Variants in TIAM1 observed in about 807,000 individuals in gnomAD.
The protein encoded by TIAM1 is TIAM Rac1 associated GEF 1.
A neutral mutation model predicts 163.5 loss-of-function variants in TIAM1; 65 were observed. That is an observed-to-expected ratio of 0.40 (90% confidence interval 0.33 to 0.49). TIAM1 has a LOEUF of 0.49. Among genes scored for constraint, TIAM1 ranks in the 20% least tolerant of loss-of-function variants. The pLI is 0.77. For missense variants in TIAM1, 1,789 were observed against 2,044.7 expected, an observed-to-expected ratio of 0.87 and a Z score of 2.41; for synonymous variants, 833 against 810.1, an observed-to-expected ratio of 1.03 and a Z score of -0.48.
At position 31,437,502 on chromosome 21, in the gene TIAM1, C is replaced by CAAAAA. The variant is rs778245444; in HGVS notation, c.-369+26476_-369+26480dup. 3.8e-5 allele frequency among the ~76,000 whole-genome samples: 4 copies of CAAAAA among 106,516 alleles called. 1 individual carries two copies. Among genetic ancestry groups the CAAAAA allele is most frequent in the African/African-American group, 1.6e-4 (4 of 25,444 alleles). The allele number at this position is 106,516 out of a possible 152,430, so 69.9% of individuals were successfully genotyped here. A position where few individuals can be genotyped will look rare whatever the true frequency, so the allele number is the denominator to read the frequency against. On this transcript the variant is annotated intron_variant, in intron 2 of 28. Transcript: ENST00000286827. The stretch of plus-strand genomic sequence containing the variant: ...TTGGTGACAGAGAGAGACCCTGTCT[C>CAAAAA]AAAAAAAAAAAAAAGCAACTACATA...
At chr21:31,216,867 G>T (rs751206120) in intron 9 of TIAM1, among the ~76,000 whole-genome samples, 24 of 152,184 alleles carry the variant, frequency 1.6e-4, no homozygotes, top group Non-Finnish European at 3.1e-4. Flanking sequence ...AGAATAATCA[G>T]AATTCCCTGG....
At position 31,423,861 on chromosome 21, in the gene TIAM1, G is replaced by GGT. The variant is rs1555975971; in HGVS notation, c.-369+40121_-369+40122insAC. ...AAGTAAATTAATGATTATCGGGGGG[G>GGT]GCGGGGGGGGGGTCAAGGGAGTTGG... is the stretch of plus-strand genomic sequence containing the variant. On this transcript the variant is annotated intron_variant, in intron 2 of 28. Transcript: ENST00000286827. Among the ~76,000 whole-genome samples the GGT allele has an allele frequency of 1.2e-3, 125 of 101,430 alleles. 1 individual carries two copies. Among genetic ancestry groups the GGT allele is most frequent in the African/African-American group, 6.4e-3 (120 of 18,656 alleles). The allele number at this position is 101,430 out of a possible 152,430, so 66.5% of individuals were successfully genotyped here.
chr21:31,124,396 C>CG (rs1189758581), intron 27 of TIAM1, 126 bp downstream of exon 27: 2 of 1,366,530 alleles, frequency 1.5e-6, no homozygotes, highest in African/African-American at 3.0e-5. Flanking sequence ...AGGGAAAAAC[C>CG]GTCCTCCTAC....
chr21:31,295,805 T>A (rs2074237449), intron 2 of TIAM1, among the ~76,000 whole-genome samples: 1 of 152,282 alleles, frequency 6.6e-6, no homozygotes, highest in Non-Finnish European at 1.5e-5. Context: ...TTCTTGACTC[T>A]GATTATTTTT....
chr21:31,390,349 TC>T (rs1466314660), intron 2 of TIAM1, among the ~76,000 whole-genome samples: 1 of 152,224 alleles, frequency 6.6e-6, no homozygotes, highest in Non-Finnish European at 1.5e-5. Flanking sequence ...ATTACTGTTA[TC>T]AAAAATGACA....
intron 1 of TIAM1, among the ~76,000 whole-genome samples, chr21:31,472,502 G>C (rs144770891): frequency 2.7e-4 from 41 of 152,258 alleles, no homozygotes; most frequent in Non-Finnish European, 4.9e-4. Context: ...ACTCCAGCCT[G>C]AGCAACAAAG....
chr21:31,332,518 T>C (rs1236431060), intron 2 of TIAM1, among the ~76,000 whole-genome samples: 1 of 152,108 alleles, frequency 6.6e-6, no homozygotes, highest in Admixed American at 6.5e-5. Flanking sequence ...AATGAAATAC[T>C]AACTAGCAAA....
chr21:31,181,162 A>G (rs1330507420), intron 15 of TIAM1, among the ~76,000 whole-genome samples: 1 of 152,196 alleles, frequency 6.6e-6, no homozygotes, highest in Admixed American at 6.5e-5. Context: ...AATAAATGAT[A>G]GTAATCTATG....
chr21:31,207,814 T>C (rs530959083), intron 11 of TIAM1, among the ~76,000 whole-genome samples: 1 of 152,356 alleles, frequency 6.6e-6, no homozygotes, highest in East Asian at 1.9e-4. Flanking sequence ...GCTCTCGAAC[T>C]CCTGGCCTCA....
intron 2 of TIAM1, among the ~76,000 whole-genome samples, chr21:31,441,531 A>C (rs1204052462): frequency 1.3e-5 from 2 of 152,208 alleles, no homozygotes; most frequent in African/African-American, 4.8e-5. Context: ...GCAGAGCCAC[A>C]ATATGGAAGG....
At chr21:31,380,282 C>G (rs564804849) in intron 2 of TIAM1, among the ~76,000 whole-genome samples, 5 of 151,950 alleles carry the variant, frequency 3.3e-5, no homozygotes, top group Admixed American at 3.3e-4. Flanking sequence ...AAGTGGCTCA[C>G]GCTGTAATCC....
chr21:31,425,847 C>T (rs2043775280), intron 2 of TIAM1, among the ~76,000 whole-genome samples: 1 of 152,060 alleles, frequency 6.6e-6, no homozygotes, highest in African/African-American at 2.4e-5. Context: ...CAAGCACATG[C>T]CACCACACCC....
rs10634487 is a variant in TIAM1 at position 31,362,445 on chromosome 21, A to AATTATTATTATTATT, written c.-368-23038_-368-23024dup. Among the ~76,000 whole-genome samples, 264 of 142,778 alleles carry AATTATTATTATTATT rather than the reference A, an allele frequency of 1.8e-3. 1 individual carries two copies. The highest frequency in any genetic ancestry group is 3.6e-3 in the Middle Eastern group (1 of 276). 93.7% of individuals were successfully genotyped at this position (142,778 alleles called of 152,430 possible). A position where few individuals can be genotyped will look rare whatever the true frequency, so the allele number is the denominator to read the frequency against. On this transcript the variant is annotated intron_variant, in intron 2 of 28. Transcript: ENST00000286827. ...ATCCATTACCCATTAATGCAGTGAC[A>AATTATTATTATTATT]ATTATTATTATTATTATTATTATTA...
In TIAM1 at chr21:31,120,797, C is replaced by T. The variant is rs1423026241; in HGVS notation, c.4347G>A (p.Arg1449=). 1 of 1,613,466 alleles carries T rather than the reference C, an allele frequency of 6.2e-7. No individual in the cohort carries two copies. Among genetic ancestry groups the T allele is most frequent in the Non-Finnish European group, 8.5e-7 (1 of 1,179,816 alleles). Residue 1449 remains arginine (R), a synonymous_variant, in exon 28 of 28, where the codon CGG becomes CGA. Coordinates refer to ENST00000541036, the MANE Select transcript of TIAM1 (RefSeq NM_001353694.2). This position sits in a 1 kb window ranked among gnomAD's most constrained non-coding sequence, Gnocchi z 4.2. Reference sequence around the variant, plus strand: ...CAATGGTAAACCTGTTTCGAGCCAGCCGCCGCCTCCTCCTCCCAAGAGACT... The same window carrying T: ...CAATGGTAAACCTGTTTCGAGCCAGTCGCCGCCTCCTCCTCCCAAGAGACT... ...PSKSLGRRRR[R]LARNRFTIDS...
At chr21:31,336,488 C>CTTTTTTTTTTTTT (rs34052300) in intron 2 of TIAM1, among the ~76,000 whole-genome samples, 1 of 125,472 alleles carries the variant, frequency 8.0e-6, no homozygotes, top group Admixed American at 8.2e-5. Context: ...TTGCCCCTTG[C>CTTTTTTTTTTTTT]TTTTTTTTTT....
At chr21:31,362,164 TA>T (rs199899704) in intron 2 of TIAM1, among the ~76,000 whole-genome samples, 16 of 146,022 alleles carry the variant, frequency 1.1e-4, no homozygotes, top group East Asian at 4.0e-4. Flanking sequence ...CTATCCCTTT[TA>T]AAAAAAAAAA....
intron 2 of TIAM1, among the ~76,000 whole-genome samples, chr21:31,433,004 A>T (rs758324558): frequency 5.3e-5 from 8 of 152,220 alleles, no homozygotes; most frequent in Non-Finnish European, 8.8e-5. Context: ...TGCAAGGGAA[A>T]CATGTAACAA....
chr21:31,319,763 G>A (rs1204126860), intron 2 of TIAM1, among the ~76,000 whole-genome samples: 2 of 129,616 alleles, frequency 1.5e-5, no homozygotes, highest in Non-Finnish European at 3.1e-5. Flanking sequence ...CTGGGTGACA[G>A]AGTGAGACTC....
chr21:31,487,396 A>C lies in TIAM1; in HGVS notation c.-421-23361T>G, dbSNP rs889719986. 3.9e-5 allele frequency among the ~76,000 whole-genome samples: 6 copies of C among 152,222 alleles called. No homozygotes were observed. The East Asian group carries it at 1.2e-3, about 29-fold the overall frequency. Reference sequence around the variant, plus strand: ...TTTCTTTTTTCTTTTTTTGAGAAGGAGTCTCACTCTGTCGCCCAGGCTGAA... The same window carrying C: ...TTTCTTTTTTCTTTTTTTGAGAAGGCGTCTCACTCTGTCGCCCAGGCTGAA... On this transcript the variant is annotated intron_variant, in intron 1 of 28. Transcript: ENST00000286827.
Sources: gnomAD v4.1 joint callset for allele counts (sites outside exome capture counted in the v4.1 genomes callset) on GRCh38, gnomAD v4.1.1 for gene constraint, Gnocchi (gnomAD v3.1) non-coding constraint, MANE v1.5 for transcripts, NCBI Gene and HGNC (gene_info 2026-07-23, HGNC 2026-07-21) for gene names.